The following DPY30 variants were observed in gnomAD, a reference collection of about 807,000 sequenced individuals.
The protein encoded by DPY30 is dpy-30 histone methyltransferase complex regulatory subunit, also known as protein dpy-30 homolog.
Under a neutral mutation model 16.2 loss-of-function variants are expected in DPY30, and 6 were observed. The observed-to-expected ratio is 0.37, with a 90% CI of 0.20 to 0.73. DPY30 has a LOEUF of 0.73. Among genes scored for constraint, DPY30 ranks in the 30% least tolerant of loss-of-function variants. DPY30 has a pLI of 0.51. For missense variants in DPY30, 73 were observed against 113.1 expected, an observed-to-expected ratio of 0.65 and a Z score of 1.61; for synonymous variants, 39 against 38.8, an observed-to-expected ratio of 1.00 and a Z score of -0.02.
At chr2:32,013,827 G>A (rs1459346264) in intron 5 of DPY30, among the ~76,000 whole-genome samples, 1 of 152,006 alleles carries the variant, frequency 6.6e-6, no homozygotes, top group East Asian at 1.9e-4. Flanking sequence ...GGCCAAAAGG[G>A]CAAAACCCCA....
chr2:32,024,992 G>T (rs1046888792), intron 4 of DPY30, among the ~76,000 whole-genome samples: 1 of 151,984 alleles, frequency 6.6e-6, no homozygotes, highest in Non-Finnish European at 1.5e-5. Flanking sequence ...GAAAAATTGG[G>T]GAGACATCTA....
chr2:32,027,250 G>A (rs1462713761), intron 4 of DPY30, among the ~76,000 whole-genome samples: 1 of 147,260 alleles, frequency 6.8e-6, no homozygotes, highest in African/African-American at 2.5e-5. Context: ...ATTCGAGCCT[G>A]GGCAACAGAG....
At chr2:32,031,060 C>G (rs1189044328) in intron 3 of DPY30, among the ~76,000 whole-genome samples, 1 of 152,166 alleles carries the variant, frequency 6.6e-6, no homozygotes, top group Non-Finnish European at 1.5e-5. Flanking sequence ...ATAGATTCGA[C>G]TGACATTCAG....
At chr2:32,036,168 G>A (rs1404322255) in intron 3 of DPY30, among the ~76,000 whole-genome samples, 2 of 151,206 alleles carry the variant, frequency 1.3e-5, no homozygotes, top group African/African-American at 4.9e-5. Flanking sequence ...TTTTTAGATG[G>A]GGTCTCACTA....
chr2:32,025,596 A>G (rs1042611655), intron 4 of DPY30, among the ~76,000 whole-genome samples: 1 of 151,516 alleles, frequency 6.6e-6, no homozygotes, highest in African/African-American at 2.4e-5. Flanking sequence ...TCCTGTCTCC[A>G]CTAAAAATAC....
downstream of DPY30, among the ~76,000 whole-genome samples, chr2:32,019,240 GCCCCACCGCA>G (rs1331593606): frequency 6.6e-6 from 1 of 151,928 alleles, no homozygotes; most frequent in Admixed American, 6.6e-5. Flanking sequence ...CTACAGGCAC[GCCCCACCGCA>G]CCCAGCTAAT....
intron 3 of DPY30, among the ~76,000 whole-genome samples, chr2:32,035,328 G>A (rs1253029966): frequency 2.7e-4 from 41 of 151,924 alleles, no homozygotes; most frequent in Non-Finnish European, 8.8e-5. Context: ...ATTTCGCCGG[G>A]CACGGTGGCT....
At chr2:32,014,163 C>T (rs1261647713) in intron 5 of DPY30, among the ~76,000 whole-genome samples, 1 of 151,892 alleles carries the variant, frequency 6.6e-6, no homozygotes, top group Non-Finnish European at 1.5e-5. Context: ...ACTTGTTAAA[C>T]TAGGATATAC....
At chr2:32,036,397 C>G (rs1286327888) in intron 3 of DPY30, among the ~76,000 whole-genome samples, 1 of 151,990 alleles carries the variant, frequency 6.6e-6, no homozygotes, top group African/African-American at 2.4e-5. Context: ...ACTGGCTGGG[C>G]GCGGTGGCTC....
intron 3 of DPY30, among the ~76,000 whole-genome samples, chr2:32,036,467 C>T (rs1675742228): frequency 1.3e-5 from 2 of 151,846 alleles, no homozygotes; most frequent in South Asian, 2.1e-4. Context: ...GTCAGGAGAT[C>T]GAGACCATCC....
intron 3 of DPY30, among the ~76,000 whole-genome samples, chr2:32,034,356 G>A (rs1016779812): frequency 1.3e-5 from 2 of 152,194 alleles, no homozygotes; most frequent in African/African-American, 4.8e-5. Context: ...GGGCTTCAGG[G>A]AGCAATGAAT....
chr2:32,020,369 C>A (rs537564213), downstream of DPY30, among the ~76,000 whole-genome samples: 8 of 152,050 alleles, frequency 5.3e-5, no homozygotes, highest in Non-Finnish European at 7.4e-5. Flanking sequence ...AAAAAATTAG[C>A]CAGGCTCAGC....
chr2:32,021,610 C>T (rs544352538), downstream of DPY30, among the ~76,000 whole-genome samples: 153 of 149,748 alleles, frequency 1.0e-3, 1 homozygote, highest in African/African-American at 3.6e-3. Context: ...ACCCAGGAGG[C>T]GGAGGTTGCA....
chr2:32,034,697 G>A (rs1675670232), intron 3 of DPY30, among the ~76,000 whole-genome samples: 1 of 152,086 alleles, frequency 6.6e-6, no homozygotes, highest in Non-Finnish European at 1.5e-5. Context: ...AGTGACACAG[G>A]GGAAGAAAAT....
At chr2:32,014,004 G>GAGAA (rs1289351327) in intron 5 of DPY30, among the ~76,000 whole-genome samples, 5 of 146,168 alleles carry the variant, frequency 3.4e-5, no homozygotes, top group Admixed American at 6.8e-5. Context: ...GCAAGACTCT[G>GAGAA]AGAAAGAAAG....
chr2:32,017,522 C>A (rs1323203827), intron 5 of DPY30, among the ~76,000 whole-genome samples: 1 of 150,910 alleles, frequency 6.6e-6, no homozygotes, highest in East Asian at 2.0e-4. Context: ...GAGGCTGAGG[C>A]AGAAGAAGCT....
intron 3 of DPY30, among the ~76,000 whole-genome samples, chr2:32,038,116 T>C (rs1675814886): frequency 6.7e-6 from 1 of 150,324 alleles, no homozygotes; most frequent in Non-Finnish European, 1.5e-5. Flanking sequence ...AGAATTAACT[T>C]GTATTGCTCA....
At chr2:32,014,435 C>T (rs944390476) in intron 5 of DPY30, among the ~76,000 whole-genome samples, 1 of 151,962 alleles carries the variant, frequency 6.6e-6, no homozygotes, top group Admixed American at 6.5e-5. Context: ...CTGCAATGAG[C>T]TATGATCACA....
At chr2:32,039,611 C>T (rs1675888415) in intron 1 of DPY30, 119 bp from the exon 2 acceptor site, 1 of 908,560 alleles carries the variant, frequency 1.1e-6, no homozygotes, top group Non-Finnish European at 1.7e-6. Flanking sequence ...GGGAGCACCA[C>T]GAGCAGTAGA....
Sources: allele counts gnomAD v4.1 joint callset (sites outside exome capture counted in the v4.1 genomes callset), GRCh38; gene constraint gnomAD v4.1.1; transcripts MANE v1.5; gene names NCBI Gene and HGNC (gene_info 2026-07-23, HGNC 2026-07-21).